RGS22: variants seen among roughly 807,000 people sequenced by gnomAD.
RGS22 encodes the protein regulator of G protein signaling 22.
In RGS22, 148 loss-of-function variants were observed where a neutral mutation model predicts 172.9. The observed-to-expected ratio is 0.86, with a 90% confidence interval of 0.75 to 0.98. The LOEUF (loss-of-function observed/expected upper bound fraction) is 0.98, where lower values mean the gene tolerates loss of function less well. Among genes scored for constraint, RGS22 ranks in the 50% least tolerant of loss-of-function variants. The pLI, the probability that RGS22 is intolerant of heterozygous loss-of-function variation, is 0.00. For missense variants in RGS22, 1,347 were observed against 1,440.8 expected (o/e 0.93, Z 1.05); for synonymous variants, 458 against 480.2 (o/e 0.95, Z 0.60).
At chr8:99,995,453 G>T (rs1311151136) in intron 20 of RGS22, among the ~76,000 whole-genome samples, 2 of 152,162 alleles carry the variant, frequency 1.3e-5, no homozygotes, top group Admixed American at 1.3e-4. Context: ...GTGGGCGAAG[G>T]ATATGAGCAG....
rs373383696 is a variant in RGS22 at position 100,071,498 on chromosome 8, G to A, written c.465C>T (p.Ser155=). The A allele has an allele frequency of 2.1e-5, 34 of 1,611,584 alleles. No homozygotes were observed. Among genetic ancestry groups the A allele is most frequent in the Middle Eastern group, 1.6e-4 (1 of 6,078 alleles). Residue 155 remains serine (S), a synonymous_variant, in exon 6 of 28, where the codon TCC becomes TCT. Transcript: ENST00000360863. The part of the protein sequence containing the change: ...KLVSQVRWSK[S]GMNFTVGSNF... ...TTGATCCTACTGTGAAATTCATGCC[G>A]GACTTGCTCCATCTTACTTGTGAGA... is the stretch of plus-strand genomic sequence containing the variant.
chr8:100,067,078 AGAG>A (rs1051617834), intron 6 of RGS22, among the ~76,000 whole-genome samples: 2 of 152,206 alleles, frequency 1.3e-5, no homozygotes, highest in African/African-American at 4.8e-5. Context: ...CAACAAGAGC[AGAG>A]AAGAGAGTTT....
chr8:100,022,699 T>C (rs909853963), intron 14 of RGS22, among the ~76,000 whole-genome samples: 3 of 152,062 alleles, frequency 2.0e-5, no homozygotes, highest in African/African-American at 4.8e-5. Context: ...TAATAAATAA[T>C]TTCTTGGAAA....
intron 2 of RGS22, among the ~76,000 whole-genome samples, chr8:100,105,097 G>A (rs1813819400): frequency 6.6e-6 from 1 of 152,176 alleles, no homozygotes. Flanking sequence ...TCCTCTCATG[G>A]AGTCATTAAA....
At chr8:100,054,329 C>T (rs1822019927) in intron 9 of RGS22, 2 of 154,176 alleles carry the variant, frequency 1.3e-5, no homozygotes, top group South Asian at 2.0e-4. Flanking sequence ...CATGATGGCT[C>T]ATACCTGTAA....
At chr8:100,095,694 A>G (rs1340374354) in intron 2 of RGS22, among the ~76,000 whole-genome samples, 2 of 152,206 alleles carry the variant, frequency 1.3e-5, no homozygotes, top group African/African-American at 2.4e-5. Context: ...GACTGATAAG[A>G]GTTCTCAGGT....
rs201365320 is a variant in RGS22, at chr8:100,013,938, C to CA, written c.2167-5370dup. 7.4e-3 allele frequency among the ~76,000 whole-genome samples: 1,122 copies of CA among 152,032 alleles called. 12 individuals are homozygous for CA. Among genetic ancestry groups the CA allele is most frequent in the Middle Eastern group, 0.024 (7 of 294 alleles). ...TAATGACTGACTCCATTATAGACTT[C>CA]AAAAAAAACTTAGCTGCAATCAAAA... On this transcript the variant is annotated intron_variant, in intron 14 of 27. Coordinates refer to ENST00000360863, the MANE Select transcript of RGS22 (RefSeq NM_015668.5).
In RGS22 at chr8:100,052,075, ATGTT is replaced by A. The variant is rs1312387519; in HGVS notation, c.1689+723_1689+726del. ...TATATATTTATATATTTATATATAA[ATGTT>A]TATATATATTTATATATTTATATAT... On this transcript the variant is annotated intron_variant, in intron 10 of 27. Coordinates refer to ENST00000360863, the MANE Select transcript of RGS22 (RefSeq NM_015668.5). 4.3e-4 allele frequency among the ~76,000 whole-genome samples: 42 copies of A among 98,038 alleles called. 1 individual carries two copies. The highest frequency in any genetic ancestry group is 1.1e-3 in the Admixed American group (7 of 6,630). 64.3% of individuals were successfully genotyped at this position (98,038 alleles called of 152,430 possible).
intron 2 of RGS22, among the ~76,000 whole-genome samples, chr8:100,096,978 G>T (rs1813028059): frequency 6.6e-6 from 1 of 152,192 alleles, no homozygotes; most frequent in South Asian, 2.1e-4. Context: ...ACGTTATCTG[G>T]TAAGATGAAT....
In RGS22 at chr8:100,064,168, G is replaced by A. The variant is rs149370056; in HGVS notation, c.725-125C>T. 4 of 667,100 alleles carry A rather than the reference G, an allele frequency of 6.0e-6. No individual in the cohort carries two copies. The African/African-American group carries it at 7.5e-5, about 12-fold the overall frequency. 41.3% of individuals were successfully genotyped at this position (667,100 alleles called of 1,614,324 possible). A position where few individuals can be genotyped will look rare whatever the true frequency, so the allele number is the denominator to read the frequency against. ...ATAGGTAGTGACTGCATGGACCGGT[G>A]TCTTAAGAAGGATTCTGGGCCAGTC... On this transcript the variant is annotated intron_variant, in intron 7 of 27. Transcript: ENST00000360863.
intron 18 of RGS22, among the ~76,000 whole-genome samples, 196 bp from the exon 19 acceptor site, chr8:99,999,616 T>C (rs542162653): frequency 6.6e-6 from 1 of 152,334 alleles, no homozygotes; most frequent in Admixed American, 6.5e-5. Flanking sequence ...GTTTATGTGC[T>C]GGTTGTTTTA....
At chr8:100,078,638 ATT>A (rs1474719371) in intron 4 of RGS22, among the ~76,000 whole-genome samples, 2 of 150,604 alleles carry the variant, frequency 1.3e-5, no homozygotes, top group Admixed American at 1.3e-4. Context: ...TTTTTATTTT[ATT>A]TTTGAAACAG....
intron 3 of RGS22, among the ~76,000 whole-genome samples, chr8:100,085,023 C>A (rs1176062822): frequency 6.6e-6 from 1 of 151,980 alleles, no homozygotes; most frequent in Non-Finnish European, 1.5e-5. Flanking sequence ...TAGAAACTAC[C>A]CAGAGAAACA....
intron 18 of RGS22, among the ~76,000 whole-genome samples, chr8:100,001,214 AT>A (rs1022264195): frequency 2.2e-5 from 3 of 133,368 alleles, no homozygotes; most frequent in African/African-American, 8.3e-5. Flanking sequence ...ATATATATAT[AT>A]ATATACATAT....
chr8:100,032,679 T>C (rs1818964250), intron 14 of RGS22, among the ~76,000 whole-genome samples: 1 of 152,192 alleles, frequency 6.6e-6, no homozygotes, highest in South Asian at 2.1e-4. Flanking sequence ...AATAGACATC[T>C]ACAGAACTCT....
At chr8:100,081,178 C>T (rs1231245922) in intron 3 of RGS22, among the ~76,000 whole-genome samples, 1 of 152,070 alleles carries the variant, frequency 6.6e-6, no homozygotes, top group Non-Finnish European at 1.5e-5. Context: ...TTAACTTATA[C>T]ATGCTTAGGC....
intron 2 of RGS22, 39 bp from the exon 3 acceptor site, chr8:100,093,548 T>G: frequency 3.7e-6 from 5 of 1,350,642 alleles, no homozygotes; most frequent in Non-Finnish European, 5.2e-6. Flanking sequence ...ATTATAATTA[T>G]ACATTTTAAA....
At chr8:99,992,913 T>C (rs1021559787) in intron 20 of RGS22, among the ~76,000 whole-genome samples, 32 of 152,150 alleles carry the variant, frequency 2.1e-4, no homozygotes, top group African/African-American at 7.5e-4. Context: ...CACAACAAAC[T>C]GTCTCTTGGA....
chr8:100,105,376 ATTC>A lies in RGS22; in HGVS notation c.49_51del (p.Glu17del), dbSNP rs769936918. ...TAGCCCCTTGAAATGATACTTACAA[ATTC>A]TTCTTCTGTAATAGTTGGTGGCTCT... On this transcript the variant is annotated inframe_deletion, in exon 2 of 28. Coordinates refer to ENST00000360863, the MANE Select transcript of RGS22 (RefSeq NM_015668.5). 4.4e-6 allele frequency: 7 copies of A among 1,608,104 alleles called. No homozygotes were observed. Among genetic ancestry groups the A allele is most frequent in the South Asian group, 1.1e-5 (1 of 90,700 alleles).
Sources: gnomAD v4.1 joint callset for allele counts (sites outside exome capture counted in the v4.1 genomes callset) on GRCh38, gnomAD v4.1.1 for gene constraint, MANE v1.5 for transcripts, NCBI Gene and HGNC (gene_info 2026-07-23, HGNC 2026-07-21) for gene names.